Variants in ZFHX3 observed in about 807,000 individuals in gnomAD.
ZFHX3 encodes the protein zinc finger homeobox protein 3.
Under a neutral mutation model 279.1 loss-of-function variants are expected in ZFHX3, and 42 were observed. The ratio of observed to expected loss-of-function variants is 0.15; its 90% CI spans 0.12 to 0.19. The LOEUF (loss-of-function observed/expected upper bound fraction) is 0.19, where lower values mean the gene tolerates loss of function less well. Ranked by LOEUF, ZFHX3 falls within the 10% of genes least tolerant of loss-of-function variation. The pLI, the probability that ZFHX3 is intolerant of heterozygous loss-of-function variation, is 1.00. For synonymous variants in ZFHX3, 2,293 were observed against 1,957.8 expected (o/e 1.17, Z -4.52); for missense variants, 4,981 against 4,754.0 (o/e 1.05, Z -1.40).
At chr16:73,506,796 T>C (rs185105632) in intron 2 of ZFHX3, among the ~76,000 whole-genome samples, 4 of 152,232 alleles carry the variant, frequency 2.6e-5, no homozygotes, top group African/African-American at 9.6e-5. Context: ...GCAGGTTGTA[T>C]GATCCTGTAA....
At chr16:73,594,646 A>G (rs1333618911) in intron 2 of ZFHX3, among the ~76,000 whole-genome samples, 1 of 152,178 alleles carries the variant, frequency 6.6e-6, no homozygotes, top group African/African-American at 2.4e-5. Flanking sequence ...TAGATAGGTA[A>G]CAGAGTGACA....
intron 4 of ZFHX3, among the ~76,000 whole-genome samples, chr16:72,832,234 C>T (rs1305216066): frequency 2.0e-5 from 3 of 152,156 alleles, no homozygotes; most frequent in African/African-American, 7.2e-5. Flanking sequence ...CCAACACTGA[C>T]CCCAATTCTT....
At position 73,119,754 on chromosome 16, in the gene ZFHX3, ATT is replaced by A. The variant is rs1432073706; in HGVS notation, c.-897+11212_-897+11213del. Among the ~76,000 whole-genome samples, 6 of 152,218 alleles carry A rather than the reference ATT, an allele frequency of 3.9e-5. No homozygotes were observed. The East Asian group carries it at 1.2e-3, about 29-fold the overall frequency. On this transcript the variant is annotated intron_variant, in intron 7 of 17. Transcript: ENST00000641206. ...GGCTGGAATGCAGTAGTGTGATCATATTTCTGCAGCCTTGAATTCCTGAGTTC... is the reference window on the plus strand; with the variant it reads ...GGCTGGAATGCAGTAGTGTGATCATATCTGCAGCCTTGAATTCCTGAGTTC...
At chr16:72,889,212 G>A (rs963586747) in intron 4 of ZFHX3, among the ~76,000 whole-genome samples, 3 of 152,068 alleles carry the variant, frequency 2.0e-5, no homozygotes, top group Non-Finnish European at 4.4e-5. Flanking sequence ...AAATACAACT[G>A]AAATTTTTAT....
Position 72,786,587 on chromosome 16 carries a change from A to C in ZFHX3, c.*577T>G, listed in dbSNP as rs72793288. The C allele has an allele frequency of 0.025, 3,730 of 150,488 alleles. 53 individuals are homozygous for C. Among genetic ancestry groups the C allele is most frequent in the Middle Eastern group, 0.058 (17 of 292 alleles). 9.3% of individuals were successfully genotyped at this position (150,488 alleles called of 1,614,324 possible). ...AAACAAAAAATCTTTTCTGGAACAAAAAAAAAAAAAAAAACTGAAAAAACA... is the reference window on the plus strand; with the variant it reads ...AAACAAAAAATCTTTTCTGGAACAACAAAAAAAAAAAAAACTGAAAAAACA... On this transcript the variant is annotated 3_prime_UTR_variant, in exon 10 of 10. Coordinates refer to ENST00000268489, the MANE Select transcript of ZFHX3 (RefSeq NM_006885.4).
At chr16:73,141,219 T>G (rs894882204) in intron 6 of ZFHX3, among the ~76,000 whole-genome samples, 1 of 152,210 alleles carries the variant, frequency 6.6e-6, no homozygotes, top group Non-Finnish European at 1.5e-5. Context: ...GTGAAATACC[T>G]TAGAGATTGT....
rs2052177493 is a variant in ZFHX3 at position 73,606,118 on chromosome 16, C to T, written c.-1547+74062G>A. On this transcript the variant is annotated intron_variant, in intron 2 of 17. Coordinates refer to the ZFHX3 transcript ENST00000641206. ...AACGGCGTGAACCCGGGAGGTGGAG[C>T]TTGCAGTGAGCCGAGATTGTGCCAC... Among the ~76,000 whole-genome samples, 3 of 125,176 alleles carry T rather than the reference C, an allele frequency of 2.4e-5. No individual in the cohort carries two copies. The Admixed American group carries it at 2.9e-4, about 12-fold the overall frequency. 82.1% of individuals were successfully genotyped at this position (125,176 alleles called of 152,430 possible). A position where few individuals can be genotyped will look rare whatever the true frequency, so the allele number is the denominator to read the frequency against.
intron 3 of ZFHX3, among the ~76,000 whole-genome samples, chr16:73,423,761 C>T (rs1567479841): frequency 6.6e-6 from 1 of 151,586 alleles, no homozygotes; most frequent in Non-Finnish European, 1.5e-5. Flanking sequence ...ACTCAGTGGG[C>T]TGAGGCAGGA....
At chr16:73,694,413 G>A (rs868601788) in intron 1 of ZFHX3, among the ~76,000 whole-genome samples, 18 of 151,934 alleles carry the variant, frequency 1.2e-4, no homozygotes, top group African/African-American at 2.7e-4. Context: ...GTGCGATATC[G>A]GCTTACTACA....
At chr16:73,807,481 G>A (rs1404695424) in intron 1 of ZFHX3, among the ~76,000 whole-genome samples, 1 of 152,050 alleles carries the variant, frequency 6.6e-6, no homozygotes, top group Non-Finnish European at 1.5e-5. Context: ...ATGATCCATG[G>A]TCTTGCTGTG....
At chr16:73,888,861 G>T (rs1030996419) in intron 1 of ZFHX3, among the ~76,000 whole-genome samples, 2 of 151,772 alleles carry the variant, frequency 1.3e-5, no homozygotes, top group Non-Finnish European at 2.9e-5. Flanking sequence ...AAAAAAAACC[G>T]GGAAGGATCC....
chr16:73,000,142 G>A (rs1043807861), intron 1 of ZFHX3, among the ~76,000 whole-genome samples: 7 of 152,258 alleles, frequency 4.6e-5, no homozygotes, highest in Non-Finnish European at 8.8e-5. Context: ...TAAGTATCCC[G>A]GGCAGAAGAA....
chr16:72,987,162 A>G (rs1175275869), intron 1 of ZFHX3, among the ~76,000 whole-genome samples: 3 of 152,212 alleles, frequency 2.0e-5, no homozygotes, highest in East Asian at 1.9e-4. Flanking sequence ...TCCTGTCTCA[A>G]CACAAAACAA....
At chr16:73,714,626 A>C (rs916897052) in intron 1 of ZFHX3, among the ~76,000 whole-genome samples, 4 of 152,216 alleles carry the variant, frequency 2.6e-5, no homozygotes, top group African/African-American at 9.6e-5. Flanking sequence ...TTAACATTTC[A>C]ACATGTGTGT....
At chr16:73,441,496 G>A (rs1057184406) in intron 3 of ZFHX3, among the ~76,000 whole-genome samples, 1 of 152,136 alleles carries the variant, frequency 6.6e-6, no homozygotes, top group African/African-American at 2.4e-5. Context: ...CCTAAACACT[G>A]TAACCAAACA....
intron 2 of ZFHX3, among the ~76,000 whole-genome samples, chr16:73,581,117 TA>T (rs889208695): frequency 5.3e-5 from 8 of 151,990 alleles, no homozygotes; most frequent in Admixed American, 5.2e-4. Flanking sequence ...AAATGTTCTT[TA>T]TTTTCTCAAT....
intron 1 of ZFHX3, among the ~76,000 whole-genome samples, chr16:73,736,481 T>G (rs990056272): frequency 1.1e-4 from 17 of 152,214 alleles, no homozygotes; most frequent in African/African-American, 4.1e-4. Context: ...ACCTGCCACA[T>G]ACAAACACTG....
At chr16:73,325,301 T>C (rs1399979466) in intron 3 of ZFHX3, among the ~76,000 whole-genome samples, 2 of 152,286 alleles carry the variant, frequency 1.3e-5, no homozygotes, top group African/African-American at 2.4e-5. Context: ...TGTGGTTAGG[T>C]TCTGGGTGCT....
intron 1 of ZFHX3, among the ~76,000 whole-genome samples, chr16:73,043,815 C>T (rs1009370954): frequency 7.2e-5 from 11 of 152,220 alleles, no homozygotes; most frequent in Admixed American, 6.5e-4. Context: ...ATCTGATTGC[C>T]ACTTTGCACA....
Sources: gnomAD v4.1 joint callset for allele counts (sites outside exome capture counted in the v4.1 genomes callset) on GRCh38, gnomAD v4.1.1 for gene constraint, MANE v1.5 for transcripts, NCBI Gene and HGNC (gene_info 2026-07-23, HGNC 2026-07-21) for gene names.